Variants in DOCK3 observed in about 807,000 individuals in gnomAD.
DOCK3 encodes dedicator of cytokinesis 3, also known as dedicator of cytokinesis protein 3.
A neutral mutation model predicts 265.6 loss-of-function variants in DOCK3; 60 were observed. The ratio of observed to expected loss-of-function variants is 0.23; its 90% CI spans 0.18 to 0.28. The LOEUF is 0.28. Among genes scored for constraint, DOCK3 ranks in the 10% least tolerant of loss-of-function variants. The pLI is 1.00. For synonymous variants in DOCK3, 881 were observed against 938.0 expected (o/e 0.94, Z 1.11); for missense variants, 1,981 against 2,594.3 (o/e 0.76, Z 5.14).
chr3:51,240,041 T>C (rs948539762), intron 21 of DOCK3, among the ~76,000 whole-genome samples: 3 of 152,226 alleles, frequency 2.0e-5, no homozygotes, highest in Non-Finnish European at 4.4e-5. Flanking sequence ...GATGTTAGGC[T>C]GTTAAATTGA....
At chr3:51,180,169 C>T (rs1440015872) in intron 12 of DOCK3, among the ~76,000 whole-genome samples, 1 of 141,778 alleles carries the variant, frequency 7.1e-6, no homozygotes, top group African/African-American at 2.6e-5. Context: ...GATCACGCCA[C>T]TGTGCTCCAG....
intron 5 of DOCK3, among the ~76,000 whole-genome samples, chr3:51,024,892 G>A (rs2079749462): frequency 6.6e-6 from 1 of 152,204 alleles, no homozygotes; most frequent in African/African-American, 2.4e-5. Flanking sequence ...AGGACCTTTG[G>A]TTTGCCAGGG....
chr3:50,979,398 G>A (rs1355098208), intron 5 of DOCK3, among the ~76,000 whole-genome samples: 2 of 152,166 alleles, frequency 1.3e-5, no homozygotes, highest in African/African-American at 4.8e-5. Flanking sequence ...GGAGGTGTTT[G>A]GGTCATGGGG....
At chr3:51,206,904 G>T (rs1391087145) in intron 12 of DOCK3, among the ~76,000 whole-genome samples, 1 of 152,202 alleles carries the variant, frequency 6.6e-6, no homozygotes, top group Non-Finnish European at 1.5e-5. Context: ...GTAGGATATG[G>T]TGAATGCTGG....
chr3:51,127,463 T>C (rs1233911127), intron 9 of DOCK3, among the ~76,000 whole-genome samples: 2 of 152,192 alleles, frequency 1.3e-5, no homozygotes, highest in Non-Finnish European at 2.9e-5. Context: ...CAACTATCCT[T>C]CACATAACCG....
chr3:51,357,626 G>A (rs559532123), intron 44 of DOCK3, 132 bp from the exon 45 acceptor site: 1 of 794,640 alleles, frequency 1.3e-6, no homozygotes, highest in East Asian at 2.6e-5. Flanking sequence ...AAACAGGCCA[G>A]ACTGGTGTAT....
At chr3:51,354,640 TTTC>T (rs1294265406) in intron 40 of DOCK3, among the ~76,000 whole-genome samples, 3 of 152,148 alleles carry the variant, frequency 2.0e-5, no homozygotes, top group South Asian at 4.1e-4. Context: ...GCGTAAGGTT[TTTC>T]TTCTTCTTCC....
intron 5 of DOCK3, among the ~76,000 whole-genome samples, chr3:51,056,831 A>G (rs568184681): frequency 6.6e-6 from 1 of 152,306 alleles, no homozygotes; most frequent in African/African-American, 2.4e-5. Flanking sequence ...AAAATGTAAA[A>G]TAGGGGAGAT....
chr3:51,321,304 A>C (rs762350540), intron 32 of DOCK3, among the ~76,000 whole-genome samples: 5 of 152,230 alleles, frequency 3.3e-5, no homozygotes, highest in Non-Finnish European at 7.3e-5. Flanking sequence ...GGACGTCCAC[A>C]CAGAGACCTC....
chr3:51,204,972 C>T (rs2089083755), intron 12 of DOCK3, among the ~76,000 whole-genome samples: 1 of 151,064 alleles, frequency 6.6e-6, no homozygotes, highest in African/African-American at 2.4e-5. Context: ...ACAATGGGAA[C>T]ACATGGACAC....
chr3:50,911,477 A>G (rs1402170262), intron 4 of DOCK3, among the ~76,000 whole-genome samples: 1 of 151,856 alleles, frequency 6.6e-6, no homozygotes, highest in Non-Finnish European at 1.5e-5. Flanking sequence ...ATATGTGTGG[A>G]TTTATTTTTG....
At chr3:50,917,342 G>A (rs1425488676) in intron 4 of DOCK3, among the ~76,000 whole-genome samples, 2 of 151,922 alleles carry the variant, frequency 1.3e-5, no homozygotes, top group African/African-American at 2.4e-5. Context: ...GGTGGGTAGG[G>A]GAGAAAAACT....
intron 3 of DOCK3, among the ~76,000 whole-genome samples, chr3:50,873,775 T>C (rs2047552447): frequency 6.6e-6 from 1 of 152,202 alleles, no homozygotes; most frequent in Non-Finnish European, 1.5e-5. Context: ...GCTTTCTTCA[T>C]GGGCACACAT....
rs745517353 is a variant in DOCK3 at position 51,333,209 on chromosome 3, T to C, written c.3567T>C (p.Phe1189=). Residue 1189 remains phenylalanine, a synonymous_variant, in exon 35 of 53, where the codon TTT becomes TTC. Coordinates refer to ENST00000266037, the MANE Select transcript of DOCK3 (RefSeq NM_004947.5). Reference sequence around the variant, plus strand: ...CATGGCGCGAGACCGGCATTTCCTTTGTGACCTCAGTCACCCGCCTCATGG... The same window carrying C: ...CATGGCGCGAGACCGGCATTTCCTTCGTGACCTCAGTCACCCGCCTCATGG... ...QETWRETGIS[F]VTSVTRLMER... 1.2e-6 allele frequency: 2 copies of C among 1,613,780 alleles called. No homozygotes were observed. The highest frequency in any genetic ancestry group is 1.7e-6 in the Non-Finnish European group (2 of 1,179,900).
At chr3:51,310,582 G>A (rs2083014654) in intron 28 of DOCK3, among the ~76,000 whole-genome samples, 1 of 152,178 alleles carries the variant, frequency 6.6e-6, no homozygotes, top group Non-Finnish European at 1.5e-5. Flanking sequence ...CTGCTCAGTG[G>A]CCCACTGGCC....
chr3:50,902,319 T>G (rs1279310182), intron 4 of DOCK3, among the ~76,000 whole-genome samples: 1 of 152,154 alleles, frequency 6.6e-6, no homozygotes, highest in African/African-American at 2.4e-5. Context: ...TAGTGTTGGG[T>G]TTTGCATTTA....
At chr3:51,088,370 A>C (rs765201896) in intron 7 of DOCK3, among the ~76,000 whole-genome samples, 26 of 152,174 alleles carry the variant, frequency 1.7e-4, no homozygotes, top group Non-Finnish European at 3.5e-4. Context: ...GAGTGTAGTT[A>C]ACAGTAATTT....
chr3:51,196,566 G>T (rs2088310043), intron 12 of DOCK3, among the ~76,000 whole-genome samples: 1 of 152,128 alleles, frequency 6.6e-6, no homozygotes. Flanking sequence ...CAAAGGCTTT[G>T]CTCAGTCTTT....
intron 2 of DOCK3, among the ~76,000 whole-genome samples, chr3:50,799,949 G>C (rs1308581077): frequency 3.3e-5 from 5 of 152,160 alleles, no homozygotes; most frequent in South Asian, 2.1e-4. Flanking sequence ...TGAGTCTACT[G>C]AGGTGTTACG....
Sources: gnomAD v4.1 joint callset for allele counts (sites outside exome capture counted in the v4.1 genomes callset) on GRCh38, gnomAD v4.1.1 for gene constraint, MANE v1.5 for transcripts, NCBI Gene and HGNC (gene_info 2026-07-23, HGNC 2026-07-21) for gene names.